The following NMNAT1 variants were observed in gnomAD, a reference collection of about 807,000 sequenced individuals.
The protein encoded by NMNAT1 is nicotinamide nucleotide adenylyltransferase 1.
In NMNAT1, 11 loss-of-function variants were observed where a neutral mutation model predicts 16.7. The ratio of observed to expected loss-of-function variants is 0.66; its 90% confidence interval spans 0.41 to 1.09. NMNAT1 has a LOEUF of 1.09. Ranked by LOEUF, NMNAT1 falls within the 50% of genes least tolerant of loss-of-function variation. The pLI is 0.00. For synonymous variants in NMNAT1, 110 were observed against 119.8 expected (o/e 0.92, Z 0.53); for missense variants, 280 against 332.3 (o/e 0.84, Z 1.22).
chr1:9,994,371 C>T, the NMNAT1 span, among the ~76,000 whole-genome samples: 1 of 151,882 alleles, frequency 6.6e-6, no homozygotes, highest in African/African-American at 2.4e-5. Context: ...TCTCAGCCTC[C>T]CAAAGTGCTG....
chr1:9,972,492 C>T, intron 2 of NMNAT1: 1 of 44,440 alleles, frequency 2.3e-5, no homozygotes, highest in Non-Finnish European at 4.4e-5. Context: ...AAGACACCAT[C>T]TCAAAAAAAA....
At chr1:9,958,314 A>G (rs924454672) in intron 1 of NMNAT1, among the ~76,000 whole-genome samples, 1 of 152,170 alleles carries the variant, frequency 6.6e-6, no homozygotes, top group Non-Finnish European at 1.5e-5. Context: ...TTCTGATTGA[A>G]TTGAGATCCA....
chr1:9,962,060 G>C (rs1016949460), intron 1 of NMNAT1, among the ~76,000 whole-genome samples: 3 of 151,818 alleles, frequency 2.0e-5, no homozygotes, highest in Admixed American at 2.0e-4. Context: ...GACCTACCGC[G>C]CCCGGACCCC....
At chr1:9,954,489 A>G (rs7522668) in intron 1 of NMNAT1, among the ~76,000 whole-genome samples, 2,415 of 152,262 alleles carry the variant, frequency 0.016, 59 homozygotes, top group African/African-American at 0.053. Flanking sequence ...GGTTACAGGC[A>G]TGAGCCACTG....
chr1:9,985,986 C>A (rs552581771), downstream of NMNAT1, among the ~76,000 whole-genome samples: 3 of 152,246 alleles, frequency 2.0e-5, no homozygotes, highest in Middle Eastern at 6.8e-3. Context: ...GGTGCCTGGT[C>A]CCATTATTCT....
intron 3 of NMNAT1, among the ~76,000 whole-genome samples, chr1:9,976,085 G>A (rs919779852): frequency 1.4e-4 from 22 of 151,982 alleles, no homozygotes; most frequent in South Asian, 2.1e-4. Flanking sequence ...TCAGGAGTTC[G>A]AGACCAGCCT....
chr1:9,973,106 TC>T (rs1401268261), intron 2 of NMNAT1, among the ~76,000 whole-genome samples: 15 of 152,294 alleles, frequency 9.8e-5, no homozygotes, highest in African/African-American at 3.4e-4. Context: ...TTAAAAGTTT[TC>T]TTTTTTCTTT....
At chr1:9,948,543 C>T (rs1417278021) in intron 1 of NMNAT1, among the ~76,000 whole-genome samples, 1 of 152,052 alleles carries the variant, frequency 6.6e-6, no homozygotes, top group Non-Finnish European at 1.5e-5. Context: ...CATTGTATTC[C>T]AGCCTGGGTG....
intron 1 of NMNAT1, among the ~76,000 whole-genome samples, chr1:9,946,057 C>T (rs1419270135): frequency 6.6e-6 from 1 of 152,164 alleles, no homozygotes; most frequent in Non-Finnish European, 1.5e-5. Flanking sequence ...CCCAGCCTTC[C>T]CCTAATTTTG....
At chr1:9,996,445 A>G in the NMNAT1 span, among the ~76,000 whole-genome samples, 1 of 152,166 alleles carries the variant, frequency 6.6e-6, no homozygotes, top group Non-Finnish European at 1.5e-5. Context: ...AGGTTAGCCC[A>G]TATTCCCACC....
At chr1:9,961,841 G>A (rs183042104) in intron 1 of NMNAT1, among the ~76,000 whole-genome samples, 3 of 151,882 alleles carry the variant, frequency 2.0e-5, no homozygotes, top group African/African-American at 4.8e-5. Flanking sequence ...GCATGATCTC[G>A]GCTCGCCGCA....
chr1:9,966,511 G>C (rs1641547594), intron 1 of NMNAT1, among the ~76,000 whole-genome samples: 1 of 151,974 alleles, frequency 6.6e-6, no homozygotes, highest in Non-Finnish European at 1.5e-5. Context: ...TACTCAGGAG[G>C]CTGAGGCAGG....
intron 1 of NMNAT1, among the ~76,000 whole-genome samples, chr1:9,969,550 G>C (rs142875044): frequency 3.3e-5 from 5 of 152,094 alleles, no homozygotes; most frequent in Non-Finnish European, 7.4e-5. Context: ...CCAGGAGTTC[G>C]AGACCAGCCT....
At chr1:9,958,321 T>G (rs1490083420) in intron 1 of NMNAT1, among the ~76,000 whole-genome samples, 1 of 152,168 alleles carries the variant, frequency 6.6e-6, no homozygotes, top group African/African-American at 2.4e-5. Context: ...TGAATTGAGA[T>G]CCATTGCATT....
chr1:9,944,048 T>A (rs1173581490), intron 1 of NMNAT1, among the ~76,000 whole-genome samples: 2 of 150,210 alleles, frequency 1.3e-5, no homozygotes, highest in Non-Finnish European at 3.0e-5. Context: ...AGGTCAGGAG[T>A]TCGAGACCAG....
At chr1:9,996,676 T>C in the NMNAT1 span, among the ~76,000 whole-genome samples, 1 of 152,168 alleles carries the variant, frequency 6.6e-6, no homozygotes, top group Non-Finnish European at 1.5e-5. Flanking sequence ...CCCTCTTCCC[T>C]ACCTTGAATG....
downstream of NMNAT1, among the ~76,000 whole-genome samples, chr1:9,989,380 C>T (rs992930062): frequency 6.6e-6 from 1 of 152,034 alleles, no homozygotes; most frequent in African/African-American, 2.4e-5. Context: ...ATCACTTCAA[C>T]CCAGGAGGCG....
intron 1 of NMNAT1, among the ~76,000 whole-genome samples, chr1:9,970,163 C>T (rs1042907317): frequency 6.6e-6 from 1 of 151,962 alleles, no homozygotes; most frequent in East Asian, 1.9e-4. Flanking sequence ...GGTATGAGGG[C>T]TAATCTTTAT....
intron 1 of NMNAT1, among the ~76,000 whole-genome samples, chr1:9,948,506 G>A (rs1312353959): frequency 6.6e-6 from 1 of 152,094 alleles, no homozygotes; most frequent in Non-Finnish European, 1.5e-5. Context: ...GCTTGAGTCC[G>A]GGAGGTGGAG....
Sources: allele counts gnomAD v4.1 joint callset (sites outside exome capture counted in the v4.1 genomes callset), GRCh38; gene constraint gnomAD v4.1.1; transcripts MANE v1.5; gene names NCBI Gene and HGNC (gene_info 2026-07-23, HGNC 2026-07-21).